PCDHA4: variants seen among roughly 807,000 people sequenced by gnomAD.
PCDHA4 encodes the protein protocadherin alpha-4.
A neutral mutation model predicts 61.4 loss-of-function variants in PCDHA4; 49 were observed. The ratio of observed to expected loss-of-function variants is 0.80; its 90% CI spans 0.63 to 1.01. The LOEUF is 1.01. Ranked by LOEUF, PCDHA4 falls within the 50% of genes least tolerant of loss-of-function variation. The probability of loss-of-function intolerance (pLI) is 0.00; values close to 1 mark genes in which losing one functional copy is unlikely to be tolerated. For missense variants in PCDHA4, 1,254 were observed against 1,235.8 expected, an observed-to-expected ratio of 1.01 and a Z score of -0.22; for synonymous variants, 590 against 550.3, an observed-to-expected ratio of 1.07 and a Z score of -1.01.
At chr5:140,941,224 T>TTTCTTTC in intron 1 of PCDHA4, among the ~76,000 whole-genome samples, 1 of 137,372 alleles carries the variant, frequency 7.3e-6, no homozygotes, top group Non-Finnish European at 1.6e-5. Flanking sequence ...CCTTTCTTTC[T>TTTCTTTC]TTCTTTCTTT....
At chr5:140,927,167 C>G in intron 1 of PCDHA4, 3 of 1,614,164 alleles carry the variant, frequency 1.9e-6, no homozygotes, top group Non-Finnish European at 2.5e-6. Flanking sequence ...GCCAAAGCTG[C>G]CTGCGTCTTG....
chr5:140,857,728 C>T lies in PCDHA4; in HGVS notation c.2385+48156C>T, dbSNP rs781841380. ...TGTTCGTGCTGGACGAGAACGACAACGCTCCCGCGCTGCTGGCGTCTCCCG... is the reference window on the plus strand; with the variant it reads ...TGTTCGTGCTGGACGAGAACGACAATGCTCCCGCGCTGCTGGCGTCTCCCG... On this transcript the variant is annotated intron_variant, in intron 1 of 3. Transcript: ENST00000530339. 5.6e-6 allele frequency: 9 copies of T among 1,597,306 alleles called. 1 individual carries two copies. Among genetic ancestry groups the T allele is most frequent in the Non-Finnish European group, 5.1e-6 (6 of 1,167,718 alleles).
chr5:140,808,485 C>T lies in PCDHA4; in HGVS notation c.1298C>T (p.Pro433Leu). The stretch of plus-strand genomic sequence containing the variant: ...GTGACCGCGCGAGACGGGGGCTCGC[C>T]TTCGCTGTGGGCCACGGCCAGTGTT... ...LVVTARDGGS[P>L]SLWATASVSV... is the part of the protein sequence containing the mutation. Residue 433 changes from proline (P) to leucine (L), a missense_variant, in exon 1 of 4, where the codon CCT (proline) becomes CTT (leucine). By Grantham distance (98) the Pro-to-Leu change is moderately conservative. Transcript: ENST00000530339. The T allele has an allele frequency of 6.2e-7, 1 of 1,614,176 alleles. No homozygotes were observed. Among genetic ancestry groups the T allele is most frequent in the East Asian group, 2.2e-5 (1 of 44,872 alleles).
intron 1 of PCDHA4, among the ~76,000 whole-genome samples, chr5:140,881,608 C>T (rs1254695632): frequency 6.6e-6 from 1 of 152,154 alleles, no homozygotes; most frequent in Non-Finnish European, 1.5e-5. Flanking sequence ...ATATGATGTG[C>T]TTATTCAAAA....
chr5:140,942,410 A>T (rs1047414912), intron 1 of PCDHA4, among the ~76,000 whole-genome samples: 3 of 142,238 alleles, frequency 2.1e-5, no homozygotes, highest in Non-Finnish European at 3.1e-5. Context: ...GACTCTGTTT[A>T]AAAAAAAAAA....
chr5:140,882,284 C>T (rs782560108), intron 1 of PCDHA4: 7 of 1,612,734 alleles, frequency 4.3e-6, no homozygotes, highest in Non-Finnish European at 5.9e-6. Context: ...GTCTTCCTGG[C>T]AAGGAGGCCC....
chr5:140,858,135 T>C, intron 1 of PCDHA4: 1 of 1,597,450 alleles, frequency 6.3e-7, no homozygotes. Context: ...GATGTCAACG[T>C]GTACCTGATC....
chr5:140,955,297 T>C (rs2153705828), intron 1 of PCDHA4, among the ~76,000 whole-genome samples: 1 of 152,262 alleles, frequency 6.6e-6, no homozygotes, highest in East Asian at 1.9e-4. Context: ...TTTGGCTGTG[T>C]CCCCACCCAA....
Position 140,848,364 on chromosome 5 carries a change from G to A in PCDHA4, c.2385+38792G>A, listed in dbSNP as rs2150409515. On this transcript the variant is annotated intron_variant, in intron 1 of 3. Transcript: ENST00000530339. ...AATACAGCCCTTTTCCCATGGGAAA[G>A]AGGCTCAATTCTTTTTCACTCTCTC... The A allele has an allele frequency of 1.5e-5, 16 of 1,077,594 alleles. 3 individuals carry two copies. In the Admixed American group the frequency reaches 2.3e-4, roughly 16 times the overall value. 66.8% of individuals were successfully genotyped at this position (1,077,594 alleles called of 1,614,324 possible). A position where few individuals can be genotyped will look rare whatever the true frequency, so the allele number is the denominator to read the frequency against.
intron 3 of PCDHA4, among the ~76,000 whole-genome samples, chr5:140,992,017 CTG>C (rs10602499): frequency 0.14 from 19,772 of 145,244 alleles, 1,405 homozygotes; most frequent in African/African-American, 0.18. Flanking sequence ...AGAGGTGGCT[CTG>C]TGTGTGTGTG....
chr5:140,855,629 G>A (rs914411692), intron 1 of PCDHA4, among the ~76,000 whole-genome samples: 2 of 149,486 alleles, frequency 1.3e-5, no homozygotes, highest in Non-Finnish European at 3.0e-5. Flanking sequence ...TTTGAAATTC[G>A]GCTATTGATA....
intron 1 of PCDHA4, among the ~76,000 whole-genome samples, chr5:140,954,551 T>C (rs2095055563): frequency 6.6e-6 from 1 of 152,250 alleles, no homozygotes; most frequent in South Asian, 2.1e-4. Context: ...ATATGTTTGT[T>C]GGCTGCATGA....
chr5:140,847,219 G>A (rs2150398133), intron 1 of PCDHA4, among the ~76,000 whole-genome samples: 4 of 149,610 alleles, frequency 2.7e-5, no homozygotes, highest in African/African-American at 9.8e-5. Context: ...GAATTAATTG[G>A]GAGCTATTTA....
chr5:140,833,151 G>A (rs1260869856), intron 1 of PCDHA4, among the ~76,000 whole-genome samples: 3 of 152,094 alleles, frequency 2.0e-5, no homozygotes, highest in Non-Finnish European at 4.4e-5. Flanking sequence ...GAAGCAATAC[G>A]AATAAAAAGT....
chr5:141,010,321 G>A lies in PCDHA4; in HGVS notation c.*384G>A. The A allele has an allele frequency of 1.3e-6, 2 of 1,541,244 alleles. No individual in the cohort carries two copies. Among genetic ancestry groups the A allele is most frequent in the South Asian group, 1.2e-5 (1 of 82,726 alleles). On this transcript the variant is annotated 3_prime_UTR_variant, in exon 4 of 4. Transcript: ENST00000530339. ...GGCTGAAAAGTTTTGAGATTGAGCA[G>A]CTTGGGAGTTTGTGGCCACTGGGTA...
intron 1 of PCDHA4, among the ~76,000 whole-genome samples, chr5:140,900,435 G>A (rs1219799362): frequency 3.3e-5 from 5 of 152,088 alleles, no homozygotes; most frequent in African/African-American, 9.7e-5. Context: ...GTGCCACCAC[G>A]GCCGGCTAAT....
intron 1 of PCDHA4, among the ~76,000 whole-genome samples, chr5:140,953,010 G>C (rs116014174): frequency 0.016 from 2,468 of 152,152 alleles, 61 homozygotes; most frequent in African/African-American, 0.055. Flanking sequence ...ACTATTATGA[G>C]AACAACATTA....
intron 1 of PCDHA4, among the ~76,000 whole-genome samples, chr5:140,885,515 A>G (rs537252415): frequency 6.6e-6 from 1 of 152,294 alleles, no homozygotes; most frequent in South Asian, 2.1e-4. Context: ...ATGCTGTGCT[A>G]TCATTTCATA....
intron 1 of PCDHA4, among the ~76,000 whole-genome samples, chr5:140,906,526 CAATT>C (rs1554192570): frequency 6.6e-6 from 1 of 152,190 alleles, no homozygotes; most frequent in Non-Finnish European, 1.5e-5. Context: ...ATACTCACGA[CAATT>C]AAAATCCTCA....
Sources: allele counts gnomAD v4.1 joint callset (sites outside exome capture counted in the v4.1 genomes callset), GRCh38; gene constraint gnomAD v4.1.1; transcripts MANE v1.5; gene names NCBI Gene and HGNC (gene_info 2026-07-23, HGNC 2026-07-21).